Variants in FAM135B observed in about 807,000 individuals in gnomAD.
The protein encoded by FAM135B is protein FAM135B.
Under a neutral mutation model 127.7 loss-of-function variants are expected in FAM135B, and 43 were observed. The ratio of observed to expected loss-of-function variants is 0.34; its 90% CI spans 0.26 to 0.43. FAM135B has a LOEUF of 0.43. Ranked by LOEUF, FAM135B falls within the 20% of genes least tolerant of loss-of-function variation. FAM135B has a pLI of 1.00. For synonymous variants in FAM135B, 670 were observed against 665.1 expected (o/e 1.01, Z -0.11); for missense variants, 1,558 against 1,725.6 (o/e 0.90, Z 1.72).
chr8:138,426,145 T>TAC (rs1834880463), intron 1 of FAM135B, among the ~76,000 whole-genome samples: 2 of 149,874 alleles, frequency 1.3e-5, no homozygotes, highest in African/African-American at 2.5e-5. Flanking sequence ...TGTGTATATA[T>TAC]ATATATAATG....
At chr8:138,175,400 AT>A (rs1357441851) in intron 11 of FAM135B, among the ~76,000 whole-genome samples, 2 of 152,166 alleles carry the variant, frequency 1.3e-5, no homozygotes. Flanking sequence ...ATATTCTTGT[AT>A]GTCATGGCAT....
chr8:138,201,370 G>A (rs757111440), intron 7 of FAM135B, among the ~76,000 whole-genome samples: 43 of 151,988 alleles, frequency 2.8e-4, no homozygotes, highest in Non-Finnish European at 3.8e-4. Flanking sequence ...GGGAATCGTC[G>A]CAAGGCTGAT....
Position 138,152,716 on chromosome 8 carries a change from A to G in FAM135B, c.1759T>C (p.Leu587=), listed in dbSNP as rs1157229346. Residue 587 remains leucine, a synonymous_variant, in exon 13 of 20, where the codon TTA becomes CTA. Transcript: ENST00000395297. ...ACTTTGCTTAGCCCAGTCCTGTCTA[A>G]TCCATACTTATCTCTAGAGCTCCTA... ...ESRSSRDKYG[L]DRTGLSKVVV... 1 of 1,614,142 alleles carries G rather than the reference A, an allele frequency of 6.2e-7. No homozygotes were observed. The highest frequency in any genetic ancestry group is 2.2e-5 in the East Asian group (1 of 44,886).
rs139208151 is a variant in FAM135B at position 138,234,945 on chromosome 8, T to C, written c.669+7997A>G. Among the ~76,000 whole-genome samples, 12 of 152,342 alleles carry C rather than the reference T, an allele frequency of 7.9e-5. No individual in the cohort carries two copies. The East Asian group carries it at 2.1e-3, about 27-fold the overall frequency. On this transcript the variant is annotated intron_variant, in intron 7 of 19. Coordinates refer to ENST00000395297, the MANE Select transcript of FAM135B (RefSeq NM_015912.4). ...TGGGCCCCAGGCACCTTTGCCTCCA[T>C]AGGCCTCCTTCATCCATAAAACAAG... is the stretch of plus-strand genomic sequence containing the variant.
rs554978992 is a variant in FAM135B at position 138,185,574 on chromosome 8, T to C, written c.874-6884A>G. 3.2e-4 allele frequency among the ~76,000 whole-genome samples: 48 copies of C among 152,272 alleles called. No homozygotes were observed. The South Asian group carries it at 9.8e-3, about 31-fold the overall frequency. Reference sequence around the variant, plus strand: ...ACTCCCCAAAACCAACAAAACAGGCTGCCCACAGTCAGAAGCTGCTCACTG... The same window carrying C: ...ACTCCCCAAAACCAACAAAACAGGCCGCCCACAGTCAGAAGCTGCTCACTG... On this transcript the variant is annotated intron_variant, in intron 9 of 19. Coordinates refer to ENST00000395297, the MANE Select transcript of FAM135B (RefSeq NM_015912.4).
In FAM135B at chr8:138,141,784, CCGCTG is replaced by C. The variant is rs1311740454; in HGVS notation, c.3639-440_3639-436del. ...CAATGCCATTCATCCTCTCCTTCAC[CCGCTG>C]TGTATATATTGAACCACCTGCTCAC... On this transcript the variant is annotated intron_variant, in intron 16 of 19. Coordinates refer to ENST00000395297, the MANE Select transcript of FAM135B (RefSeq NM_015912.4). The surrounding 1 kb of genome is among the most constrained non-coding windows in gnomAD (Gnocchi z 4.7). Among the ~76,000 whole-genome samples, 207 of 152,284 alleles carry C rather than the reference CCGCTG, an allele frequency of 1.4e-3. No individual in the cohort carries two copies. Among genetic ancestry groups the C allele is most frequent in the Middle Eastern group, 6.8e-3 (2 of 294 alleles).
intron 1 of FAM135B, among the ~76,000 whole-genome samples, chr8:138,443,909 C>A (rs966519020): frequency 2.6e-5 from 4 of 152,070 alleles, no homozygotes; most frequent in African/African-American, 7.2e-5. Context: ...GGAAACCTAC[C>A]TCATGTGCAG....
chr8:138,347,898 C>T (rs973337738), intron 2 of FAM135B, among the ~76,000 whole-genome samples: 2 of 152,106 alleles, frequency 1.3e-5, no homozygotes, highest in South Asian at 4.2e-4. Flanking sequence ...GAATTATAGT[C>T]CTGATTTCAT....
chr8:138,316,979 CAA>C (rs112559661), intron 2 of FAM135B, among the ~76,000 whole-genome samples: 4 of 122,658 alleles, frequency 3.3e-5, no homozygotes, highest in African/African-American at 6.0e-5. Context: ...GACTCCATCT[CAA>C]AAAAAAAAAA....
intron 1 of FAM135B, among the ~76,000 whole-genome samples, chr8:138,409,723 A>G (rs1324560019): frequency 6.6e-6 from 1 of 151,848 alleles, no homozygotes; most frequent in Non-Finnish European, 1.5e-5. Flanking sequence ...AAAATACAAA[A>G]AATTAGTCAG....
rs1299093803 is a variant in FAM135B at position 138,151,393 on chromosome 8, C to T, written c.3082G>A (p.Val1028Met). 2.5e-6 allele frequency: 4 copies of T among 1,613,564 alleles called. No individual in the cohort carries two copies. The highest frequency in any genetic ancestry group is 1.7e-5 in the Admixed American group (1 of 59,932). The change falls in exon 13 of 20, where the codon GTG becomes ATG. Residue 1028 changes from valine to methionine, a missense_variant. Around this residue, in one of 5 missense-constraint regions of FAM135B, gnomAD observed 923 missense variants for 865.3 expected, o/e 1.07. Coordinates refer to ENST00000395297, the MANE Select transcript of FAM135B (RefSeq NM_015912.4). ...ETFTLDSLKA[V>M]EVVNLSVSCT... ...GACACAGATAAGTTCACAACCTCCA[C>T]AGCCTTCAGGCTGTCCAGAGTAAAG...
At chr8:138,487,633 G>GT (rs1815030174) in intron 1 of FAM135B, among the ~76,000 whole-genome samples, 2 of 148,526 alleles carry the variant, frequency 1.3e-5, no homozygotes, top group African/African-American at 2.5e-5. Context: ...CTAGGTGTGT[G>GT]TGGGGGTGGG....
chr8:138,193,379 T>C (rs1411733844), intron 9 of FAM135B, among the ~76,000 whole-genome samples: 1 of 152,156 alleles, frequency 6.6e-6, no homozygotes, highest in African/African-American at 2.4e-5. Flanking sequence ...GAGAGACTCC[T>C]GGAAACCTGA....
intron 3 of FAM135B, among the ~76,000 whole-genome samples, chr8:138,299,720 G>A (rs181826438): frequency 6.6e-6 from 1 of 152,236 alleles, no homozygotes; most frequent in Admixed American, 6.5e-5. Context: ...AAATGTCAGT[G>A]CATTTGCAGA....
At chr8:138,213,156 T>C (rs777882171) in intron 7 of FAM135B, among the ~76,000 whole-genome samples, 6 of 152,192 alleles carry the variant, frequency 3.9e-5, no homozygotes, top group Non-Finnish European at 8.8e-5. Flanking sequence ...TGAGAGTTCC[T>C]GCCTTCATGT....
intron 14 of FAM135B, among the ~76,000 whole-genome samples, chr8:138,146,732 G>T (rs1817687054): frequency 6.6e-6 from 1 of 152,136 alleles, no homozygotes; most frequent in African/African-American, 2.4e-5. Context: ...ACAGAATAAG[G>T]TTTATATGAA....
intron 7 of FAM135B, among the ~76,000 whole-genome samples, chr8:138,206,428 C>T (rs1441633994): frequency 4.0e-5 from 6 of 150,906 alleles, no homozygotes; most frequent in African/African-American, 7.3e-5. Flanking sequence ...CACCTACACA[C>T]AGCTCTATCA....
At chr8:138,180,835 C>A (rs757221705) in intron 9 of FAM135B, among the ~76,000 whole-genome samples, 9 of 152,188 alleles carry the variant, frequency 5.9e-5, no homozygotes, top group Non-Finnish European at 1.0e-4. Context: ...GAATCGCCTG[C>A]ATTTTCTTCT....
chr8:138,198,947 C>A (rs6577882), intron 7 of FAM135B, among the ~76,000 whole-genome samples: 112,575 of 152,114 alleles, frequency 0.74, 42,054 homozygotes, highest in East Asian at 0.82. Context: ...GGGAGGAGGC[C>A]GTGGCTCTTC....
Sources: allele counts gnomAD v4.1 joint callset (sites outside exome capture counted in the v4.1 genomes callset), GRCh38; gene constraint gnomAD v4.1.1; regional missense constraint gnomAD v4.1.1; non-coding constraint Gnocchi (gnomAD v3.1); transcripts MANE v1.5; gene names NCBI Gene and HGNC (gene_info 2026-07-23, HGNC 2026-07-21).